The following B3GNT8 variants were observed in gnomAD, a reference collection of about 807,000 sequenced individuals.
The protein encoded by B3GNT8 is N-acetyllactosaminide beta-1,3-N-acetylglucosaminyltransferase 8.
For synonymous variants in B3GNT8, 258 were observed against 238.3 expected, an observed-to-expected ratio of 1.08 and a Z score of -0.76; for missense variants, 502 against 530.5, an observed-to-expected ratio of 0.95 and a Z score of 0.53.
chr19:41,425,760 C>T lies in B3GNT8; in HGVS notation c.1019G>A (p.Cys340Tyr). The T allele has an allele frequency of 2.5e-6, 4 of 1,601,030 alleles. No homozygotes were observed. The highest frequency in any genetic ancestry group is 3.4e-6 in the Non-Finnish European group (4 of 1,172,356). The change falls in exon 2 of 2, where the codon TGC (cysteine) becomes TAC (tyrosine). Residue 340 changes from cysteine (C) to tyrosine (Y), a missense_variant. By Grantham distance (194) the Cys-to-Tyr change is radical. Coordinates refer to ENST00000691102, the MANE Select transcript of B3GNT8 (RefSeq NM_001385648.2). ...FPFEDVYTGL[C>Y]IRALGLVPQA... ...GGGCACCAGGCCCAGGGCTCGGATG[C>T]AAAGGCCAGTGTAGACGTCCTCAAA...
Position 41,426,517 on chromosome 19 carries a change from T to C in B3GNT8, c.262A>G (p.Ser88Gly), listed in dbSNP as rs1011540983. ...GCCTGGCAGCCCCCCGTTTCAGTGC[T>C]GTCCCCACTGGGCAGGGACCCCAGC... ...WRLGSLPSGD[S>G]TETGGCQAWG... is the part of the protein sequence containing the mutation. Residue 88 changes from serine (S) to glycine (G), a missense_variant, in exon 2 of 2, where the codon AGC becomes GGC. Ser to Gly is a moderately conservative substitution (Grantham distance 56, BLOSUM62 0). Transcript: ENST00000691102. The surrounding 1 kb of genome is among the most constrained non-coding windows in gnomAD (Gnocchi z 4.9). 9.4e-6 allele frequency: 15 copies of C among 1,593,080 alleles called. No individual in the cohort carries two copies. Among genetic ancestry groups the C allele is most frequent in the Non-Finnish European group, 1.2e-5 (14 of 1,169,768 alleles).
chr19:41,428,459 G>C (rs1038572406), upstream of B3GNT8: 1 of 152,520 alleles, frequency 6.6e-6, no homozygotes, highest in Non-Finnish European at 1.5e-5. The surrounding 1 kb of genome is among the most constrained non-coding windows in gnomAD (Gnocchi z 6.1). Context: ...GGCAGGAGGG[G>C]GTGTCTGCCT....
At position 41,425,531 on chromosome 19, in the gene B3GNT8, G is replaced by T; in HGVS notation, c.*54C>A. ...ACCTGGAAGGAGGGGCTGAGCCAGG[G>T]GCCGGCCCCAGAGGCCCAGGCCAGG... On this transcript the variant is annotated 3_prime_UTR_variant, in exon 2 of 2. Transcript: ENST00000691102. The T allele has an allele frequency of 1.3e-6, 1 of 771,304 alleles. No homozygotes were observed. Among genetic ancestry groups the T allele is most frequent in the Non-Finnish European group, 1.9e-6 (1 of 536,712 alleles). The allele number at this position is 771,304 out of a possible 1,614,324, so 47.8% of individuals were successfully genotyped here.
upstream of B3GNT8, among the ~76,000 whole-genome samples, chr19:41,428,331 C>A (rs190644568): frequency 4.6e-5 from 7 of 152,246 alleles, no homozygotes; most frequent in East Asian, 1.4e-3. This position sits in a 1 kb window ranked among gnomAD's most constrained non-coding sequence, Gnocchi z 6.1. Flanking sequence ...TGCCCAGCAG[C>A]GTGGGAATCT....
rs1490991379 is a variant in B3GNT8 at position 41,425,748 on chromosome 19, A to G, written c.1031T>C (p.Leu344Pro). The G allele has an allele frequency of 3.1e-6, 5 of 1,595,392 alleles. No individual in the cohort carries two copies. In the African/African-American group the frequency reaches 4.0e-5, roughly 13 times the overall value. Residue 344 changes from leucine (L) to proline (P), a missense_variant, in exon 2 of 2, where the codon CTG becomes CCG. By Grantham distance (98) the Leu-to-Pro change is moderately conservative. Coordinates refer to ENST00000691102, the MANE Select transcript of B3GNT8 (RefSeq NM_001385648.2). The part of the protein sequence containing the change: ...DVYTGLCIRA[L>P]GLVPQAHPGF... The stretch of plus-strand genomic sequence containing the variant: ...TGGGTGGGCCTGGGGCACCAGGCCC[A>G]GGGCTCGGATGCAAAGGCCAGTGTA...
At position 41,425,861 on chromosome 19, in the gene B3GNT8, G is replaced by A. The variant is rs201316265; in HGVS notation, c.918C>T (p.Ser306=). The change falls in exon 2 of 2, where the codon AGC becomes AGT. Residue 306 remains serine (S), a synonymous_variant. Coordinates refer to ENST00000691102, the MANE Select transcript of B3GNT8 (RefSeq NM_001385648.2). ...FFEGGYPAYA[S]GGGYVIAGRL... ...GCCCGGCAATGACGTAGCCACCCCC[G>A]CTTGCATAGGCTGGGTAGCCACCTT... is the stretch of plus-strand genomic sequence containing the variant. The A allele has an allele frequency of 6.4e-5, 103 of 1,613,166 alleles. No homozygotes were observed. Among genetic ancestry groups the A allele is most frequent in the South Asian group, 4.9e-4 (45 of 91,090 alleles).
chr19:41,428,387 C>T (rs955536056), upstream of B3GNT8, among the ~76,000 whole-genome samples: 13 of 152,176 alleles, frequency 8.5e-5, no homozygotes, highest in Non-Finnish European at 1.5e-4. This position sits in a 1 kb window ranked among gnomAD's most constrained non-coding sequence, Gnocchi z 6.1. Flanking sequence ...AGCCTCACCC[C>T]GGGCCCCTCC....
At chr19:41,428,217 A>T (rs895475873), upstream of B3GNT8, among the ~76,000 whole-genome samples, 1 of 152,012 alleles carries the variant, frequency 6.6e-6, no homozygotes, top group African/African-American at 2.4e-5. The surrounding 1 kb of genome is among the most constrained non-coding windows in gnomAD (Gnocchi z 6.1). Context: ...AAAAGACTGG[A>T]GCTTCAAGGG....
At chr19:41,428,367 G>T (rs979338498), upstream of B3GNT8, among the ~76,000 whole-genome samples, 5 of 151,446 alleles carry the variant, frequency 3.3e-5, no homozygotes, top group African/African-American at 9.8e-5. The surrounding 1 kb of genome is among the most constrained non-coding windows in gnomAD (Gnocchi z 6.1). Flanking sequence ...CCAACCTCCG[G>T]CCTGGAGCCA....
Position 41,425,626 on chromosome 19 carries a change from G to C in B3GNT8, c.1153C>G (p.Arg385Gly), listed in dbSNP as rs558152812. 2.0e-6 allele frequency: 3 copies of C among 1,515,092 alleles called. No homozygotes were observed. The highest frequency in any genetic ancestry group is 2.6e-6 in the Non-Finnish European group (3 of 1,132,612). The allele number at this position is 1,515,092 out of a possible 1,614,324, so 93.9% of individuals were successfully genotyped here. Reference protein sequence around the residue: ...VRPLGPQASIRLWKQLQDPRL... With the variant: ...VRPLGPQASIGLWKQLQDPRL... ...GGGTCTTGCAGTTGTTTCCAGAGCCGAATGCTGGCCTGGGGGCCCAGGGGC... is the reference window on the plus strand; with the variant it reads ...GGGTCTTGCAGTTGTTTCCAGAGCCCAATGCTGGCCTGGGGGCCCAGGGGC... Residue 385 changes from arginine (R) to glycine (G), a missense_variant, in exon 2 of 2, where the codon CGG (arginine) becomes GGG (glycine). By Grantham distance (125) the Arg-to-Gly change is moderately radical (BLOSUM62 -2). Coordinates refer to ENST00000691102, the MANE Select transcript of B3GNT8 (RefSeq NM_001385648.2).
Position 41,425,955 on chromosome 19 carries a change from T to A in B3GNT8, c.824A>T (p.Glu275Val), listed in dbSNP as rs1467845998. ...PASARSLYLG[E>V]VFTQAMPLRK... The stretch of plus-strand genomic sequence containing the variant: ...GAGAGGCATGGCCTGGGTAAAGACC[T>A]CACCCAGGTAGAGGCTTCGGGCCGA... Residue 275 changes from glutamate (E) to valine (V), a missense_variant, in exon 2 of 2, where the codon GAG (glutamate) becomes GTG (valine). Transcript: ENST00000691102. 6.2e-7 allele frequency: 1 copy of A among 1,613,032 alleles called. No individual in the cohort carries two copies. The highest frequency in any genetic ancestry group is 1.3e-5 in the African/African-American group (1 of 74,898).
Position 41,425,548 on chromosome 19 carries a change from C to CAGGCCAGGGCCG in B3GNT8, c.*36_*37insCGGCCCTGGCCT, listed in dbSNP as rs2039420480. On this transcript the variant is annotated 3_prime_UTR_variant, in exon 2 of 2. Coordinates refer to ENST00000691102, the MANE Select transcript of B3GNT8 (RefSeq NM_001385648.2). ...GAGCCAGGGGCCGGCCCCAGAGGCC[C>CAGGCCAGGGCCG]AGGCCAGGTCAGCACCTCCGCCCTC... 1 of 330,234 alleles carries CAGGCCAGGGCCG rather than the reference C, an allele frequency of 3.0e-6. No individual in the cohort carries two copies. Among genetic ancestry groups the CAGGCCAGGGCCG allele is most frequent in the Non-Finnish European group, 4.5e-6 (1 of 222,754 alleles). 20.5% of individuals were successfully genotyped at this position (330,234 alleles called of 1,614,324 possible).
rs1041807970 is a variant in B3GNT8 at position 41,425,594 on chromosome 19, G to A, written c.1185C>T (p.Leu395=). 2.0e-6 allele frequency: 3 copies of A among 1,506,344 alleles called. No individual in the cohort carries two copies. Among genetic ancestry groups the A allele is most frequent in the Non-Finnish European group, 2.7e-6 (3 of 1,127,268 alleles). 93.3% of individuals were successfully genotyped at this position (1,506,344 alleles called of 1,614,324 possible). ...RLWKQLQDPR[L]QC ...CCCTCCCCAATGAGAGTCAGCACTG[G>A]AGCCTTGGGTCTTGCAGTTGTTTCC... The change falls in exon 2 of 2, where the codon CTC becomes CTT. Residue 395 remains leucine (L), a synonymous_variant. Transcript: ENST00000691102.
rs1343891123 is a variant in B3GNT8 at position 41,425,730 on chromosome 19, G to A, written c.1049C>T (p.Ala350Val). 3 of 1,585,856 alleles carry A rather than the reference G, an allele frequency of 1.9e-6. No individual in the cohort carries two copies. The highest frequency in any genetic ancestry group is 2.3e-5 in the South Asian group (2 of 88,812). The stretch of plus-strand genomic sequence containing the variant: ...CCAGGCTGTGAGGAAGCCTGGGTGG[G>A]CCTGGGGCACCAGGCCCAGGGCTCG... Reference protein sequence around the residue: ...CIRALGLVPQAHPGFLTAWPA... With the variant: ...CIRALGLVPQVHPGFLTAWPA... Residue 350 changes from alanine to valine, a missense_variant, in exon 2 of 2, where the codon GCC becomes GTC. By Grantham distance (64) the Ala-to-Val change is moderately conservative (BLOSUM62 0). Coordinates refer to ENST00000691102, the MANE Select transcript of B3GNT8 (RefSeq NM_001385648.2).
Position 41,426,608 on chromosome 19 carries a change from G to A in B3GNT8, c.171C>T (p.Asn57=), listed in dbSNP as rs751034895. 2 of 1,611,744 alleles carry A rather than the reference G, an allele frequency of 1.2e-6. No individual in the cohort carries two copies. Among genetic ancestry groups the A allele is most frequent in the Non-Finnish European group, 1.7e-6 (2 of 1,179,068 alleles). Residue 57 remains asparagine (N), a synonymous_variant, in exon 2 of 2, where the codon AAC becomes AAT. Transcript: ENST00000691102. This position sits in a 1 kb window ranked among gnomAD's most constrained non-coding sequence, Gnocchi z 4.9. ...PANPEPTLPA[N]LSTRLGQTIP... ...TAGTCTGGCCCAGGCGGGTGGAGAG[G>A]TTGGCAGGTAGGGTGGGCTCAGGGT...
In B3GNT8 at chr19:41,426,466, TCTCGGTGGCGGCGGCG is replaced by T; in HGVS notation, c.297_312del (p.Ala100SerfsTer63). 1 of 1,605,662 alleles carries T rather than the reference TCTCGGTGGCGGCGGCG, an allele frequency of 6.2e-7. No homozygotes were observed. Among genetic ancestry groups the T allele is most frequent in the East Asian group, 2.2e-5 (1 of 44,782 alleles). ...TTGGGGTAGGAGGCGAAGTCAGGGA[TCTCGGTGGCGGCGGCG>T]GCCCCCCAAGCCTGGCAGCCCCCCG... On this transcript the variant is annotated frameshift_variant, in exon 2 of 2. Transcript: ENST00000691102. LOFTEE classifies it low-confidence loss of function (END_TRUNC). The surrounding 1 kb of genome is among the most constrained non-coding windows in gnomAD (Gnocchi z 4.9).
chr19:41,425,573 C>A lies in B3GNT8; in HGVS notation c.*12G>T. The A allele has an allele frequency of 6.7e-7, 1 of 1,488,556 alleles. No homozygotes were observed. Among genetic ancestry groups the A allele is most frequent in the South Asian group, 1.4e-5 (1 of 69,114 alleles). 92.2% of individuals were successfully genotyped at this position (1,488,556 alleles called of 1,614,324 possible). A position where few individuals can be genotyped will look rare whatever the true frequency, so the allele number is the denominator to read the frequency against. On this transcript the variant is annotated 3_prime_UTR_variant, in exon 2 of 2. Coordinates refer to ENST00000691102, the MANE Select transcript of B3GNT8 (RefSeq NM_001385648.2). The stretch of plus-strand genomic sequence containing the variant: ...CAGGCCAGGTCAGCACCTCCGCCCT[C>A]CCCAATGAGAGTCAGCACTGGAGCC...
rs1208848368 is a variant in B3GNT8 at position 41,425,411 on chromosome 19, C to T, written c.*174G>A. On this transcript the variant is annotated 3_prime_UTR_variant, in exon 2 of 2. Coordinates refer to ENST00000691102, the MANE Select transcript of B3GNT8 (RefSeq NM_001385648.2). ...AAACAAAAAGTAGGCAAAAACAGTC[C>T]ACCACCCCATCTTTCCTGCCCAGGC... is the stretch of plus-strand genomic sequence containing the variant. The T allele has an allele frequency of 1.5e-5, 7 of 460,324 alleles. No homozygotes were observed. Among genetic ancestry groups the T allele is most frequent in the African/African-American group, 4.1e-5 (2 of 49,232 alleles). 28.5% of individuals were successfully genotyped at this position (460,324 alleles called of 1,614,324 possible). A position where few individuals can be genotyped will look rare whatever the true frequency, so the allele number is the denominator to read the frequency against.
chr19:41,427,993 G>C (rs879818587), upstream of B3GNT8, among the ~76,000 whole-genome samples: 1 of 151,432 alleles, frequency 6.6e-6, no homozygotes, highest in African/African-American at 2.4e-5. This position sits in a 1 kb window ranked among gnomAD's most constrained non-coding sequence, Gnocchi z 5.6. Flanking sequence ...GGGGGAGAGA[G>C]AGAGAAGACG....
Sources: allele counts gnomAD v4.1 joint callset (sites outside exome capture counted in the v4.1 genomes callset), GRCh38; gene constraint gnomAD v4.1.1; non-coding constraint Gnocchi (gnomAD v3.1); transcripts MANE v1.5; gene names NCBI Gene and HGNC (gene_info 2026-07-23, HGNC 2026-07-21).